Variants in DST observed in about 807,000 individuals in gnomAD.
The protein encoded by DST is bullous pemphigoid antigen.
Under a neutral mutation model 875.2 loss-of-function variants are expected in DST, and 253 were observed. The ratio of observed to expected loss-of-function variants is 0.29; its 90% CI spans 0.26 to 0.32. The LOEUF (loss-of-function observed/expected upper bound fraction) is 0.32, where lower values mean the gene tolerates loss of function less well. DST is among the 10% of genes least tolerant of loss of function. The pLI, the probability that DST is intolerant of heterozygous loss-of-function variation, is 1.00. For synonymous variants in DST, 3,124 were observed against 3,197.1 expected (o/e 0.98, Z 0.77); for missense variants, 8,287 against 9,111.6 (o/e 0.91, Z 3.68).
chr6:56,478,817 A>G (rs2095304397), intron 90 of DST, among the ~76,000 whole-genome samples: 1 of 152,176 alleles, frequency 6.6e-6, no homozygotes, highest in African/African-American at 2.4e-5. Context: ...GTGTTTTACT[A>G]TACAAGAAAA....
intron 42 of DST, 51 bp from the exon 43 acceptor site, chr6:56,603,082 C>T (rs2098460391): frequency 1.3e-6 from 2 of 1,542,708 alleles, no homozygotes; most frequent in Non-Finnish European, 8.7e-7. Flanking sequence ...ATGTCAAATT[C>T]TTACAAATAA....
In DST at chr6:56,613,846, T is replaced by C. The variant is rs569999583; in HGVS notation, c.5058+510A>G. 4.1e-4 allele frequency among the ~76,000 whole-genome samples: 63 copies of C among 152,314 alleles called. 1 individual carries two copies. Among genetic ancestry groups the C allele is most frequent in the South Asian group, 1.9e-3 (9 of 4,828 alleles). On this transcript the variant is annotated intron_variant, in intron 37 of 103. Transcript: ENST00000680361. The stretch of plus-strand genomic sequence containing the variant: ...GGATAGTATCTAGAATTTCCAGTGA[T>C]TGACTGTAGACACTTCCTTATGAGA...
At chr6:56,847,282 T>C (rs1591626298) in intron 4 of DST, among the ~76,000 whole-genome samples, 6 of 152,234 alleles carry the variant, frequency 3.9e-5, no homozygotes, top group Admixed American at 3.3e-4. Flanking sequence ...ATCATGCTAG[T>C]GCACTCCACC....
rs1302690282 is a variant in DST, at chr6:56,498,007, A to C, written c.19943T>G (p.Val6648Gly). Reference protein sequence around the residue: ...VLAHQSTVEAVNKAGNDLIES... With the variant: ...VLAHQSTVEAGNKAGNDLIES... ...AATTAGATCATTTCCTGCTTTATTA[A>C]CGGCTTCCACTGTGGACTGATGGGC... is the stretch of plus-strand genomic sequence containing the variant. Residue 6648 changes from valine (V) to glycine (G), a missense_variant, in exon 81 of 104, where the codon GTT becomes GGT. Transcript: ENST00000680361. The C allele has an allele frequency of 6.2e-7, 1 of 1,613,394 alleles. No homozygotes were observed. Among genetic ancestry groups the C allele is most frequent in the Non-Finnish European group, 8.5e-7 (1 of 1,179,538 alleles).
At chr6:56,485,709 G>C (rs892744123) in intron 87 of DST, among the ~76,000 whole-genome samples, 1 of 152,000 alleles carries the variant, frequency 6.6e-6, no homozygotes, top group Non-Finnish European at 1.5e-5. Flanking sequence ...GGAAACCATG[G>C]ACCCTTCATG....
At chr6:56,931,807 G>A (rs13218496) in intron 2 of DST, among the ~76,000 whole-genome samples, 1 of 152,298 alleles carries the variant, frequency 6.6e-6, no homozygotes, top group South Asian at 2.1e-4. Context: ...TGGAACTGCT[G>A]TATTTACCCA....
intron 4 of DST, among the ~76,000 whole-genome samples, chr6:56,828,880 G>A (rs1007869991): frequency 2.6e-5 from 4 of 152,078 alleles, no homozygotes; most frequent in African/African-American, 7.2e-5. Context: ...CTGTTAATGG[G>A]GAGGAGGGGA....
rs192953507 is a variant in DST, at chr6:56,866,346, A to G, written c.418-14742T>C. ...AGTCACATTCACCTCTTGCCTGAAC[A>G]ATTATTGGAAAATATCTTCCAACTG... On this transcript the variant is annotated intron_variant, in intron 3 of 103. Transcript: ENST00000680361. Among the ~76,000 whole-genome samples, 7 of 152,284 alleles carry G rather than the reference A, an allele frequency of 4.6e-5. No homozygotes were observed. The East Asian group carries it at 1.4e-3, about 29-fold the overall frequency.
intron 5 of DST, among the ~76,000 whole-genome samples, chr6:56,716,139 T>A (rs1277835302): frequency 6.6e-6 from 1 of 152,194 alleles, no homozygotes; most frequent in Non-Finnish European, 1.5e-5. Context: ...GGCTGGAAAG[T>A]GTCTAGATAA....
intron 9 of DST, among the ~76,000 whole-genome samples, chr6:56,672,031 G>A (rs576176090): frequency 1.2e-3 from 179 of 152,204 alleles, no homozygotes; most frequent in African/African-American, 2.9e-3. Context: ...CAACACAGAA[G>A]GTCACAATAG....
chr6:56,908,385 T>C lies in DST; in HGVS notation c.217-7764A>G, dbSNP rs140197948. 6.1e-3 allele frequency among the ~76,000 whole-genome samples: 934 copies of C among 152,278 alleles called. 9 individuals carry two copies. The highest frequency in any genetic ancestry group is 6.9e-3 in the Non-Finnish European group (470 of 68,012). ...AAATATGCCTTGATTTTCAATAACT[T>C]ATAATTGAAATTTAAAATATGGTTC... On this transcript the variant is annotated intron_variant, in intron 2 of 103. Transcript: ENST00000680361.
chr6:56,682,437 A>T (rs970468442), intron 9 of DST, among the ~76,000 whole-genome samples: 6 of 151,174 alleles, frequency 4.0e-5, no homozygotes, highest in Admixed American at 2.6e-4. Context: ...ACAACCAAAA[A>T]ACCCTCACAC....
At chr6:56,942,877 C>T (rs938774457) in intron 2 of DST, among the ~76,000 whole-genome samples, 26 of 151,882 alleles carry the variant, frequency 1.7e-4, no homozygotes, top group East Asian at 5.8e-4. Flanking sequence ...TCACCATGCC[C>T]GACAAAATTT....
At chr6:56,483,366 T>C (rs911189291) in intron 88 of DST, among the ~76,000 whole-genome samples, 1 of 152,128 alleles carries the variant, frequency 6.6e-6, no homozygotes, top group African/African-American at 2.4e-5. Flanking sequence ...ACGGATGTCT[T>C]AGAGATAATG....
intron 4 of DST, among the ~76,000 whole-genome samples, chr6:56,753,010 C>T (rs1430890829): frequency 4.6e-5 from 7 of 152,040 alleles, no homozygotes; most frequent in African/African-American, 1.4e-4. Flanking sequence ...AGGCTGGTCT[C>T]GAACTCCTGA....
chr6:56,585,320 T>C, intron 49 of DST, among the ~76,000 whole-genome samples: 1 of 152,218 alleles, frequency 6.6e-6, no homozygotes, highest in East Asian at 1.9e-4. Flanking sequence ...GGTTTAGTCT[T>C]GGGAGAGTGT....
At chr6:56,690,474 A>C (rs1353005395) in intron 9 of DST, among the ~76,000 whole-genome samples, 1 of 152,172 alleles carries the variant, frequency 6.6e-6, no homozygotes, top group South Asian at 2.1e-4. Flanking sequence ...ATGTCATTGC[A>C]ACGACTCAAA....
intron 5 of DST, among the ~76,000 whole-genome samples, chr6:56,717,927 G>C (rs534994823): frequency 1.3e-4 from 20 of 152,034 alleles, no homozygotes; most frequent in Admixed American, 1.2e-3. Context: ...CTCTTCTATT[G>C]CAATTCCCCT....
intron 3 of DST, among the ~76,000 whole-genome samples, chr6:56,873,115 T>C (rs1007082541): frequency 2.6e-5 from 4 of 152,352 alleles, no homozygotes; most frequent in Middle Eastern, 3.4e-3. Flanking sequence ...CATCTTTTCA[T>C]ATACCTGTTC....
Sources: gnomAD v4.1 joint callset for allele counts (sites outside exome capture counted in the v4.1 genomes callset) on GRCh38, gnomAD v4.1.1 for gene constraint, MANE v1.5 for transcripts, NCBI Gene and HGNC (gene_info 2026-07-23, HGNC 2026-07-21) for gene names.